The following RASGRF2 variants were observed in gnomAD, a reference collection of about 807,000 sequenced individuals.
RASGRF2 encodes the protein Ras protein specific guanine nucleotide releasing factor 2.
RASGRF2 carries 76 observed loss-of-function variants against 151.0 expected under a neutral mutation model. The ratio of observed to expected loss-of-function variants is 0.50; its 90% CI spans 0.42 to 0.61. The LOEUF (loss-of-function observed/expected upper bound fraction) is 0.61. Among genes scored for constraint, RASGRF2 ranks in the 20% least tolerant of loss-of-function variants. RASGRF2 has a pLI of 0.00. For synonymous variants in RASGRF2, 504 were observed against 566.5 expected (o/e 0.89, Z 1.57); for missense variants, 1,148 against 1,564.6 (o/e 0.73, Z 4.49).
chr5:81,079,878 A>T (rs1419390633), intron 5 of RASGRF2, among the ~76,000 whole-genome samples: 2 of 152,168 alleles, frequency 1.3e-5, no homozygotes, highest in Admixed American at 6.5e-5. Flanking sequence ...TTGATGAAGA[A>T]GGTTATGTGA....
chr5:81,108,075 G>C (rs991262888), intron 12 of RASGRF2, among the ~76,000 whole-genome samples: 8 of 152,256 alleles, frequency 5.3e-5, no homozygotes, highest in East Asian at 3.8e-4. Flanking sequence ...TAGACCCTGA[G>C]TTCAGGACCT....
chr5:81,113,852 C>T lies in RASGRF2; in HGVS notation c.2402C>T (p.Thr801Met), dbSNP rs111424797. ...TCTTCTCCAGAGCAAAGCCCGGGAA[C>T]GGTAGAAGAGAATGTCGATAACCCA... The part of the protein sequence containing the change: ...GLSSPEQSPG[T>M]VEENVDNPRV... Residue 801 changes from threonine (T) to methionine (M), a missense_variant, in exon 15 of 27, where the codon ACG becomes ATG. By Grantham distance (81) the Thr-to-Met change is moderately conservative (BLOSUM62 -1). Coordinates refer to ENST00000265080, the MANE Select transcript of RASGRF2 (RefSeq NM_006909.3). 296 of 1,614,144 alleles carry T rather than the reference C, an allele frequency of 1.8e-4. No individual in the cohort carries two copies. The African/African-American group carries it at 3.0e-3, about 16-fold the overall frequency.
At chr5:81,113,252 C>G in intron 14 of RASGRF2, 1 of 516,628 alleles carries the variant, frequency 1.9e-6, no homozygotes. Flanking sequence ...ATTCAGCAGG[C>G]CTGGTGTGGA....
chr5:81,006,663 G>A (rs771801633), intron 1 of RASGRF2, among the ~76,000 whole-genome samples: 5 of 152,128 alleles, frequency 3.3e-5, no homozygotes, highest in Non-Finnish European at 7.4e-5. Context: ...ATGCTGAACC[G>A]AGGAAGGAGC....
chr5:81,127,540 T>C (rs990442592), intron 17 of RASGRF2, among the ~76,000 whole-genome samples: 4 of 150,884 alleles, frequency 2.7e-5, no homozygotes, highest in African/African-American at 9.8e-5. Context: ...CAAAACAAAA[T>C]AAAATAATAA....
chr5:81,112,199 C>T (rs1329358543), intron 13 of RASGRF2, among the ~76,000 whole-genome samples: 1 of 152,032 alleles, frequency 6.6e-6, no homozygotes, highest in Non-Finnish European at 1.5e-5. Flanking sequence ...TACCAGTCAA[C>T]CGCAGATCCA....
intron 18 of RASGRF2, among the ~76,000 whole-genome samples, chr5:81,200,180 G>C (rs1215653032): frequency 6.7e-6 from 1 of 150,088 alleles, no homozygotes; most frequent in African/African-American, 2.5e-5. Flanking sequence ...CTGAGGTGGG[G>C]GACCCCCTTG....
Position 81,094,984 on chromosome 5 carries a change from A to G in RASGRF2, c.1747A>G (p.Ile583Val), listed in dbSNP as rs1284263188. Residue 583 changes from isoleucine (I) to valine (V), a missense_variant, in exon 12 of 27, where the codon ATC becomes GTC. This residue lies in a region of RASGRF2 where 646 missense variants were observed against 807.4 expected (regional missense o/e 0.80). Transcript: ENST00000265080. The stretch of plus-strand genomic sequence containing the variant: ...GGAGAAAGCTGCCTGGATGAGTGAC[A>G]TCAGTCAGGTAAGAAAGTGGCTTTT... ...RQEKAAWMSD[I>V]SQCVDNIRCN... 3 of 1,521,982 alleles carry G rather than the reference A, an allele frequency of 2.0e-6. No individual in the cohort carries two copies. Among genetic ancestry groups the G allele is most frequent in the African/African-American group, 2.8e-5 (2 of 71,176 alleles). 94.3% of individuals were successfully genotyped at this position (1,521,982 alleles called of 1,614,324 possible). A position where few individuals can be genotyped will look rare whatever the true frequency, so the allele number is the denominator to read the frequency against.
chr5:81,140,239 C>G (rs1446033930), intron 17 of RASGRF2, among the ~76,000 whole-genome samples: 1 of 152,156 alleles, frequency 6.6e-6, no homozygotes, highest in Non-Finnish European at 1.5e-5. Context: ...TCTACTTGTT[C>G]TTTCACACCA....
rs761975770 is a variant in RASGRF2, at chr5:81,086,944, A to G, written c.1381A>G (p.Ile461Val). ...DILLDTSQTFIRQGSLIQVPS... is the reference protein window; with the variant it reads ...DILLDTSQTFVRQGSLIQVPS... The stretch of plus-strand genomic sequence containing the variant: ...CTTGCTGGACACCAGCCAAACGTTC[A>G]TCCGCCAAGGTAAGTCCCTGTGAAA... Residue 461 changes from isoleucine to valine, a missense_variant, in exon 9 of 27, where the codon ATC becomes GTC. This residue lies in a region of RASGRF2 where 646 missense variants were observed against 807.4 expected (regional missense o/e 0.80). Coordinates refer to ENST00000265080, the MANE Select transcript of RASGRF2 (RefSeq NM_006909.3). 2 of 1,613,314 alleles carry G rather than the reference A, an allele frequency of 1.2e-6. No homozygotes were observed. Among genetic ancestry groups the G allele is most frequent in the Non-Finnish European group, 1.7e-6 (2 of 1,179,262 alleles).
intron 17 of RASGRF2, among the ~76,000 whole-genome samples, chr5:81,131,128 G>T (rs1001603686): frequency 2.6e-5 from 4 of 152,166 alleles, no homozygotes; most frequent in African/African-American, 9.7e-5. Context: ...GTATTGCTTA[G>T]AAAACTTCCT....
chr5:81,144,697 A>G (rs1312165603), intron 17 of RASGRF2, among the ~76,000 whole-genome samples: 1 of 152,222 alleles, frequency 6.6e-6, no homozygotes, highest in African/African-American at 2.4e-5. Flanking sequence ...CAATAGGCAT[A>G]CAATATACTG....
intron 2 of RASGRF2, among the ~76,000 whole-genome samples, chr5:81,048,179 G>A (rs1023803662): frequency 2.0e-5 from 3 of 152,148 alleles, no homozygotes; most frequent in Non-Finnish European, 4.4e-5. Context: ...GGACAGTGAT[G>A]TTATAGCCTA....
At chr5:81,016,745 G>A (rs1246757225) in intron 1 of RASGRF2, among the ~76,000 whole-genome samples, 1 of 152,154 alleles carries the variant, frequency 6.6e-6, no homozygotes, top group Non-Finnish European at 1.5e-5. Flanking sequence ...TAGTAGCACA[G>A]TGTGGATTTT....
At chr5:81,126,331 A>G (rs1001907632) in intron 16 of RASGRF2, among the ~76,000 whole-genome samples, 1 of 152,248 alleles carries the variant, frequency 6.6e-6, no homozygotes, top group African/African-American at 2.4e-5. Context: ...GGGAAATTCT[A>G]TCAGTAACAT....
chr5:81,035,381 G>A (rs1477646233), intron 1 of RASGRF2, among the ~76,000 whole-genome samples: 8 of 151,946 alleles, frequency 5.3e-5, no homozygotes, highest in African/African-American at 9.7e-5. Context: ...CAAACACCAC[G>A]TGTTCTCACT....
intron 17 of RASGRF2, among the ~76,000 whole-genome samples, chr5:81,133,512 A>G (rs1056647961): frequency 6.6e-6 from 1 of 152,254 alleles, no homozygotes; most frequent in Non-Finnish European, 1.5e-5. Flanking sequence ...TGCAAATTCA[A>G]TGAATAAATA....
intron 17 of RASGRF2, among the ~76,000 whole-genome samples, chr5:81,137,418 A>G (rs1580350702): frequency 1.3e-5 from 2 of 152,298 alleles, no homozygotes; most frequent in Middle Eastern, 6.8e-3. Flanking sequence ...AATCATAGTT[A>G]TTTTAAATTC....
chr5:81,136,582 A>G (rs956904410), intron 17 of RASGRF2, among the ~76,000 whole-genome samples: 1 of 152,090 alleles, frequency 6.6e-6, no homozygotes, highest in Non-Finnish European at 1.5e-5. Context: ...TTTGAATATG[A>G]TATGCCTAGA....
Sources: allele counts gnomAD v4.1 joint callset (sites outside exome capture counted in the v4.1 genomes callset), GRCh38; gene constraint gnomAD v4.1.1; regional missense constraint gnomAD v4.1.1; transcripts MANE v1.5; gene names NCBI Gene and HGNC (gene_info 2026-07-23, HGNC 2026-07-21).